The following TAPBPL variants were observed in gnomAD, a reference collection of about 807,000 sequenced individuals.
TAPBPL encodes tapasin-related protein.
A neutral mutation model predicts 44.8 loss-of-function variants in TAPBPL; 32 were observed. That is an observed-to-expected ratio of 0.71 (90% CI 0.54 to 0.96). TAPBPL has a LOEUF of 0.96. Among genes scored for constraint, TAPBPL ranks in the 40% least tolerant of loss-of-function variants. The pLI, the probability that TAPBPL is intolerant of heterozygous loss-of-function variation, is 0.00. For synonymous variants in TAPBPL, 230 were observed against 240.7 expected (o/e 0.96, Z 0.41); for missense variants, 520 against 586.6 (o/e 0.89, Z 1.17).
chr12:6,465,411 T>TACGTATATATATAC, downstream of TAPBPL: 3 of 70,324 alleles, frequency 4.3e-5, no homozygotes, highest in East Asian at 2.4e-3. Context: ...AATGTATATA[T>TACGTATATATATAC]ATGTATATAT....
At chr12:6,470,150 T>C (rs1165447240), downstream of TAPBPL, among the ~76,000 whole-genome samples, 1 of 152,006 alleles carries the variant, frequency 6.6e-6, no homozygotes, top group Admixed American at 6.5e-5. Context: ...AGGCGCTGAG[T>C]AGTGATTTAG....
intron 1 of TAPBPL, chr12:6,452,594 C>A: frequency 7.5e-7 from 1 of 1,339,668 alleles, no homozygotes; most frequent in Non-Finnish European, 9.6e-7. Context: ...GGAGCTGACA[C>A]TTCAGAAGAG....
At chr12:6,463,065 C>T, downstream of TAPBPL, 2 of 1,538,436 alleles carry the variant, frequency 1.3e-6, no homozygotes, top group Non-Finnish European at 1.7e-6. The surrounding 1 kb of genome is among the most constrained non-coding windows in gnomAD (Gnocchi z 4.0). Context: ...GGGCTTATCC[C>T]ACATTAATAG....
intron 6 of TAPBPL, among the ~76,000 whole-genome samples, 177 bp from the exon 7 acceptor site, chr12:6,461,857 G>C (rs539011992): frequency 3.3e-4 from 50 of 152,356 alleles, no homozygotes; most frequent in Non-Finnish European, 4.8e-4. Flanking sequence ...TGGGGAAAAG[G>C]GGGTAAGGGG....
intron 5 of TAPBPL, among the ~76,000 whole-genome samples, chr12:6,459,986 T>C (rs1439136120): frequency 1.3e-5 from 2 of 151,796 alleles, no homozygotes. Context: ...GCCAGGCTGG[T>C]CTCAAACTCC....
At chr12:6,466,378 C>T (rs368034558), downstream of TAPBPL, 4 of 1,594,378 alleles carry the variant, frequency 2.5e-6, no homozygotes, top group Admixed American at 1.8e-5. Flanking sequence ...GCAGAGTACA[C>T]AAAGTGACCA....
chr12:6,471,920 T>C, the TAPBPL span, among the ~76,000 whole-genome samples: 2 of 152,258 alleles, frequency 1.3e-5, no homozygotes, highest in African/African-American at 4.8e-5. The surrounding 1 kb of genome is among the most constrained non-coding windows in gnomAD (Gnocchi z 4.0). Flanking sequence ...AAATATGGGT[T>C]TATATACATA....
At chr12:6,465,401 A>ATGTATATATATATAC (rs1565526181), downstream of TAPBPL, 1 of 67,590 alleles carries the variant, frequency 1.5e-5, no homozygotes, top group Non-Finnish European at 3.3e-5. Flanking sequence ...TATATATATA[A>ATGTATATATATATAC]ATGTATATAT....
chr12:6,463,711 G>A, downstream of TAPBPL: 1 of 1,142,758 alleles, frequency 8.8e-7, no homozygotes, highest in Non-Finnish European at 1.1e-6. The surrounding 1 kb of genome is among the most constrained non-coding windows in gnomAD (Gnocchi z 4.0). Flanking sequence ...CCCTCATACA[G>A]AATGCTGTAG....
chr12:6,463,843 A>G (rs748397138), downstream of TAPBPL: 82 of 1,240,336 alleles, frequency 6.6e-5, no homozygotes, highest in Non-Finnish European at 8.0e-5. This position sits in a 1 kb window ranked among gnomAD's most constrained non-coding sequence, Gnocchi z 4.0. Context: ...AGAACAAAGT[A>G]AAGTTGTAAG....
At chr12:6,471,154 C>A (rs1232460023), downstream of TAPBPL, among the ~76,000 whole-genome samples, 2 of 152,214 alleles carry the variant, frequency 1.3e-5, no homozygotes, top group Non-Finnish European at 2.9e-5. The surrounding 1 kb of genome is among the most constrained non-coding windows in gnomAD (Gnocchi z 4.0). Context: ...CTCTAACTAA[C>A]GCTCTGAGAG....
chr12:6,465,715 C>T, downstream of TAPBPL: 6 of 1,323,314 alleles, frequency 4.5e-6, no homozygotes, highest in Non-Finnish European at 6.1e-6. Flanking sequence ...CAGATTTCCT[C>T]CCAAGCGTTA....
downstream of TAPBPL, chr12:6,470,749 G>T: frequency 1.6e-6 from 1 of 623,592 alleles, no homozygotes. Context: ...CAACCCCGCG[G>T]CCCAATCCAT....
downstream of TAPBPL, chr12:6,463,510 G>C: frequency 9.6e-7 from 1 of 1,040,024 alleles, no homozygotes; most frequent in Non-Finnish European, 1.2e-6. This position sits in a 1 kb window ranked among gnomAD's most constrained non-coding sequence, Gnocchi z 4.0. Flanking sequence ...AACAGGAAGA[G>C]AGGAACAGGA....
downstream of TAPBPL, chr12:6,467,278 T>C (rs1041087429): frequency 1.9e-5 from 3 of 154,258 alleles, no homozygotes; most frequent in African/African-American, 4.8e-5. Context: ...ATGGAACAGT[T>C]TGGAGGGCTC....
downstream of TAPBPL, chr12:6,464,403 G>C: frequency 1.3e-6 from 2 of 1,556,812 alleles, no homozygotes; most frequent in Non-Finnish European, 1.7e-6. Context: ...TGTGTTGAGA[G>C]AGCAAACAGA....
chr12:6,465,261 T>C (rs554034806), downstream of TAPBPL: 9 of 443,700 alleles, frequency 2.0e-5, no homozygotes, highest in East Asian at 5.8e-4. Flanking sequence ...TTAGTTCAAT[T>C]TTCACTGTGA....
At chr12:6,463,369 G>C (rs1949930129), downstream of TAPBPL, 5 of 1,090,864 alleles carry the variant, frequency 4.6e-6, no homozygotes, top group South Asian at 1.4e-4. The surrounding 1 kb of genome is among the most constrained non-coding windows in gnomAD (Gnocchi z 4.0). Flanking sequence ...TGCATCCTGA[G>C]GATCGGCCGG....
At chr12:6,467,196 T>C (rs931161052), downstream of TAPBPL, 4 of 161,956 alleles carry the variant, frequency 2.5e-5, no homozygotes, top group African/African-American at 9.7e-5. Context: ...TTGGTACCAG[T>C]AGAGTGGGGT....
Sources: allele counts gnomAD v4.1 joint callset (sites outside exome capture counted in the v4.1 genomes callset), GRCh38; gene constraint gnomAD v4.1.1; non-coding constraint Gnocchi (gnomAD v3.1); transcripts MANE v1.5; gene names NCBI Gene and HGNC (gene_info 2026-07-23, HGNC 2026-07-21).